The following CYLD variants were observed in gnomAD, a reference collection of about 807,000 sequenced individuals.
CYLD encodes the protein ubiquitin carboxyl-terminal hydrolase CYLD.
Under a neutral mutation model 104.5 loss-of-function variants are expected in CYLD, and 26 were observed. The observed-to-expected ratio is 0.25, with a 90% CI of 0.18 to 0.35. The LOEUF (loss-of-function observed/expected upper bound fraction) is 0.35. CYLD is among the 10% of genes least tolerant of loss of function. The pLI is 1.00. For synonymous variants in CYLD, 385 were observed against 399.9 expected (o/e 0.96, Z 0.45); for missense variants, 703 against 1,136.1 (o/e 0.62, Z 5.48).
At chr16:50,792,388 G>A (rs1597087837) in intron 15 of CYLD, among the ~76,000 whole-genome samples, 1 of 152,286 alleles carries the variant, frequency 6.6e-6, no homozygotes, top group East Asian at 1.9e-4. Flanking sequence ...TCTAGGTGCT[G>A]GTGTGCCCCT....
intron 2 of CYLD, among the ~76,000 whole-genome samples, chr16:50,746,885 T>C (rs1398030766): frequency 2.0e-5 from 3 of 152,090 alleles, no homozygotes; most frequent in African/African-American, 4.8e-5. Flanking sequence ...AATTGTGACA[T>C]GAATAGTTAA....
intron 18 of CYLD, chr16:50,795,555 C>T: frequency 1.4e-6 from 1 of 702,978 alleles, no homozygotes; most frequent in Non-Finnish European, 2.6e-6. Context: ...TAGCTGCTCT[C>T]TCAGATCCAG....
At position 50,787,773 on chromosome 16, in the gene CYLD, A is replaced by C; in HGVS notation, c.2042-13A>C. The C allele has an allele frequency of 6.7e-7, 1 of 1,485,012 alleles. No individual in the cohort carries two copies. The highest frequency in any genetic ancestry group is 9.3e-7 in the Non-Finnish European group (1 of 1,073,034). 92.0% of individuals were successfully genotyped at this position (1,485,012 alleles called of 1,614,324 possible). A position where few individuals can be genotyped will look rare whatever the true frequency, so the allele number is the denominator to read the frequency against. On this transcript the variant is annotated splice_polypyrimidine_tract_variant and intron_variant, in intron 13 of 18. Transcript: ENST00000427738. ...TTGCCTGTGACTTATTTGATTTTTA[A>C]ATTTTCTCCTAGATCCTGAGGAATT... is the stretch of plus-strand genomic sequence containing the variant.
At chr16:50,762,674 A>G (rs1366872853) in intron 5 of CYLD, among the ~76,000 whole-genome samples, 1 of 152,212 alleles carries the variant, frequency 6.6e-6, no homozygotes, top group Non-Finnish European at 1.5e-5. Flanking sequence ...GAACAATTGG[A>G]GGAGAATTGA....
intron 5 of CYLD, among the ~76,000 whole-genome samples, chr16:50,755,162 CGTGTACATATGTGTGTGT>C (rs1967044341): frequency 6.1e-5 from 3 of 48,962 alleles, no homozygotes; most frequent in African/African-American, 2.4e-4. Flanking sequence ...TATATACACA[CGTGTACATATGTGTGTGT>C]ATATACACAC....
chr16:50,767,770 A>G (rs1386585925), intron 5 of CYLD, among the ~76,000 whole-genome samples: 1 of 152,094 alleles, frequency 6.6e-6, no homozygotes, highest in Non-Finnish European at 1.5e-5. Context: ...TCCCACACAC[A>G]CACTCTAGAG....
intron 5 of CYLD, among the ~76,000 whole-genome samples, chr16:50,764,892 CTG>C (rs1489131825): frequency 6.6e-6 from 1 of 152,202 alleles, no homozygotes; most frequent in African/African-American, 2.4e-5. Flanking sequence ...GCTTGAGACA[CTG>C]TGTCCTAAGC....
chr16:50,778,694 A>G (rs1034146893), intron 8 of CYLD, among the ~76,000 whole-genome samples: 3 of 152,206 alleles, frequency 2.0e-5, no homozygotes, highest in African/African-American at 7.2e-5. Flanking sequence ...GGACTAGAAC[A>G]CAGACAGAGG....
Position 50,798,614 on chromosome 16 carries a change from GAAAAA to G in CYLD, c.*2118_*2122del, listed in dbSNP as rs74757288. The G allele has an allele frequency of 1.0e-4, 21 of 206,154 alleles. No individual in the cohort carries two copies. Among genetic ancestry groups the G allele is most frequent in the Non-Finnish European group, 1.6e-4 (17 of 107,098 alleles). 12.8% of individuals were successfully genotyped at this position (206,154 alleles called of 1,614,324 possible). Reference sequence around the variant, plus strand: ...TAGGTAAGACTGGATTTAACAGTTGGAAAAAAAAAAAAAAAAGGAGAGAGAAGACA... The same window carrying G: ...TAGGTAAGACTGGATTTAACAGTTGGAAAAAAAAAAAGGAGAGAGAAGACA... On this transcript the variant is annotated 3_prime_UTR_variant, in exon 19 of 19. Coordinates refer to ENST00000427738, the MANE Select transcript of CYLD (RefSeq NM_001378743.1).
intron 10 of CYLD, among the ~76,000 whole-genome samples, 198 bp downstream of exon 10, chr16:50,781,609 G>A (rs781448974): frequency 6.6e-6 from 1 of 152,178 alleles, no homozygotes; most frequent in South Asian, 2.1e-4. Context: ...GTATTAGGAC[G>A]TGCGTTTGGG....
chr16:50,749,902 T>G lies in CYLD; in HGVS notation c.204T>G (p.Asn68Lys). Reference protein sequence around the residue: ...SRIPSAKGKKNQIGLKILEQP... With the variant: ...SRIPSAKGKKKQIGLKILEQP... ...TTCCTTCTGCAAAAGGCAAGAAAAA[T>G]CAGATTGGATTAAAAATTCTAGAGC... Residue 68 changes from asparagine (N) to lysine (K), a missense_variant, in exon 3 of 19, where the codon AAT (asparagine) becomes AAG (lysine). Asn to Lys is a moderately conservative substitution (Grantham distance 94). This residue lies in a region of CYLD where 142 missense variants were observed against 165.1 expected (regional missense o/e 0.86). Coordinates refer to ENST00000427738, the MANE Select transcript of CYLD (RefSeq NM_001378743.1). 2 of 1,614,078 alleles carry G rather than the reference T, an allele frequency of 1.2e-6. No homozygotes were observed. The highest frequency in any genetic ancestry group is 1.7e-6 in the Non-Finnish European group (2 of 1,180,010).
intron 5 of CYLD, among the ~76,000 whole-genome samples, chr16:50,770,781 T>G (rs1174946720): frequency 6.6e-6 from 1 of 152,178 alleles, no homozygotes; most frequent in Non-Finnish European, 1.5e-5. Flanking sequence ...AAAGGTGTCC[T>G]CATCTCTTTT....
chr16:50,755,588 T>G (rs1967135319), intron 5 of CYLD, among the ~76,000 whole-genome samples: 2 of 152,198 alleles, frequency 1.3e-5, no homozygotes, highest in South Asian at 4.1e-4. Flanking sequence ...AGTGAGGTGG[T>G]ATCACATTGT....
Position 50,791,567 on chromosome 16 carries a change from T to A in CYLD, c.2118T>A (p.Gly706=). 9 of 1,613,836 alleles carry A rather than the reference T, an allele frequency of 5.6e-6. No homozygotes were observed. The highest frequency in any genetic ancestry group is 6.8e-6 in the Non-Finnish European group (8 of 1,179,828). ...CTCTGCGTGTTTTTAGATCAGCAGG[T>A]CAAAAGGTACAAGATTGTTACTTCT... is the stretch of plus-strand genomic sequence containing the variant. The part of the protein sequence containing the change: ...VEPLLKIRSA[G]QKVQDCYFYQ... The change falls in exon 15 of 19, where the codon GGT becomes GGA. Residue 706 remains glycine, a synonymous_variant. Transcript: ENST00000427738.
In CYLD at chr16:50,750,095, G is replaced by C. The variant is rs1567421013; in HGVS notation, c.397G>C (p.Val133Leu). The C allele has an allele frequency of 6.2e-7, 1 of 1,614,100 alleles. No individual in the cohort carries two copies. The highest frequency in any genetic ancestry group is 8.5e-7 in the Non-Finnish European group (1 of 1,179,990). ...LQIDVGCPVK[V>L]QLRSGEEKFP... is the part of the protein sequence containing the mutation. ...AATAGACGTGGGCTGTCCTGTGAAA[G>C]TACAGCTGAGATCTGGGGAAGAAAA... is the stretch of plus-strand genomic sequence containing the variant. The change falls in exon 3 of 19, where the codon GTA becomes CTA. Residue 133 changes from valine (V) to leucine (L), a missense_variant. This residue lies in a region of CYLD where 142 missense variants were observed against 165.1 expected (regional missense o/e 0.86). Coordinates refer to ENST00000427738, the MANE Select transcript of CYLD (RefSeq NM_001378743.1).
intron 11 of CYLD, among the ~76,000 whole-genome samples, chr16:50,782,989 A>G (rs1160037380): frequency 7.0e-6 from 1 of 142,658 alleles, no homozygotes; most frequent in African/African-American, 2.7e-5. Context: ...CAGCGGCACA[A>G]TCTGGGCTCA....
At chr16:50,743,218 A>G (rs970929909) in intron 2 of CYLD, among the ~76,000 whole-genome samples, 2 of 152,150 alleles carry the variant, frequency 1.3e-5, no homozygotes, top group Non-Finnish European at 2.9e-5. Context: ...TTTTGCAATC[A>G]TTGGCTCTCA....
At chr16:50,773,211 T>C (rs1434162157) in intron 5 of CYLD, among the ~76,000 whole-genome samples, 1 of 152,206 alleles carries the variant, frequency 6.6e-6, no homozygotes, top group Non-Finnish European at 1.5e-5. Flanking sequence ...TCATAGACAT[T>C]TCATTTGATT....
intron 2 of CYLD, 70 bp downstream of exon 2, chr16:50,742,911 G>GCCC: frequency 6.7e-6 from 1 of 150,336 alleles, no homozygotes. Flanking sequence ...GGGGGCGGGG[G>GCCC]CGAAGTCATG....
Sources: gnomAD v4.1 joint callset for allele counts (sites outside exome capture counted in the v4.1 genomes callset) on GRCh38, gnomAD v4.1.1 for gene constraint, gnomAD v4.1.1 regional missense constraint, MANE v1.5 for transcripts, NCBI Gene and HGNC (gene_info 2026-07-23, HGNC 2026-07-21) for gene names.